The following KSR2 variants were observed in gnomAD, a reference collection of about 807,000 sequenced individuals.
KSR2 encodes the protein kinase suppressor of ras 2.
Under a neutral mutation model 107.8 loss-of-function variants are expected in KSR2, and 25 were observed. The ratio of observed to expected loss-of-function variants is 0.23; its 90% CI spans 0.17 to 0.32. KSR2 has a LOEUF of 0.32. Among genes scored for constraint, KSR2 ranks in the 10% least tolerant of loss-of-function variants. KSR2 has a pLI of 1.00. For synonymous variants in KSR2, 480 were observed against 507.0 expected, an observed-to-expected ratio of 0.95 and a Z score of 0.71; for missense variants, 887 against 1,268.9, an observed-to-expected ratio of 0.70 and a Z score of 4.57.
intron 4 of KSR2, among the ~76,000 whole-genome samples, chr12:117,724,323 A>G (rs1300707610): frequency 6.6e-6 from 1 of 151,972 alleles, no homozygotes; most frequent in Non-Finnish European, 1.5e-5. Context: ...AAAAAAAAAA[A>G]AAAAAAAGAA....
intron 4 of KSR2, among the ~76,000 whole-genome samples, chr12:117,723,804 C>T (rs1887304456): frequency 6.6e-6 from 1 of 151,972 alleles, no homozygotes; most frequent in African/African-American, 2.4e-5. Flanking sequence ...TTCATAATAT[C>T]ATTTTTTAAA....
At chr12:117,672,942 T>C (rs1455235602) in intron 4 of KSR2, among the ~76,000 whole-genome samples, 1 of 152,234 alleles carries the variant, frequency 6.6e-6, no homozygotes, top group Non-Finnish European at 1.5e-5. Flanking sequence ...TCCAACAAAC[T>C]TTCAATCCAC....
At chr12:117,862,062 C>CT (rs34794818) in intron 1 of KSR2, among the ~76,000 whole-genome samples, 23,915 of 139,798 alleles carry the variant, frequency 0.17, 2,404 homozygotes, top group African/African-American at 0.29. Flanking sequence ...ATATTATCAT[C>CT]TTTTTTTTTT....
At chr12:117,557,104 G>T (rs143521093) in intron 8 of KSR2, among the ~76,000 whole-genome samples, 1 of 152,154 alleles carries the variant, frequency 6.6e-6, no homozygotes, top group African/African-American at 2.4e-5. Context: ...GGCAGAGGTT[G>T]CAGTGAGCTG....
chr12:117,637,479 G>T (rs1883149770), intron 5 of KSR2, among the ~76,000 whole-genome samples: 1 of 152,138 alleles, frequency 6.6e-6, no homozygotes, highest in African/African-American at 2.4e-5. Flanking sequence ...TTGAGAAACT[G>T]ATCACATCCA....
chr12:117,469,554 G>T, intron 19 of KSR2, 108 bp downstream of exon 19: 1 of 1,330,866 alleles, frequency 7.5e-7, no homozygotes, highest in Non-Finnish European at 1.0e-6. Flanking sequence ...TGGGCACATG[G>T]ATAGGAGCTT....
chr12:117,597,942 G>C (rs1437435643), intron 5 of KSR2, among the ~76,000 whole-genome samples: 1 of 152,202 alleles, frequency 6.6e-6, no homozygotes, highest in Non-Finnish European at 1.5e-5. Flanking sequence ...GAAAACCGCA[G>C]ATCAGAGAAG....
intron 14 of KSR2, among the ~76,000 whole-genome samples, chr12:117,505,254 T>G (rs1014671607): frequency 6.6e-6 from 1 of 152,168 alleles, no homozygotes; most frequent in Non-Finnish European, 1.5e-5. Context: ...CTCACCAACG[T>G]GGAAGCTATC....
intron 3 of KSR2, among the ~76,000 whole-genome samples, chr12:117,847,165 C>T (rs1892735431): frequency 6.6e-6 from 1 of 152,218 alleles, no homozygotes; most frequent in African/African-American, 2.4e-5. Context: ...CCGGGAGGAG[C>T]AGCTCTTCCT....
intron 1 of KSR2, among the ~76,000 whole-genome samples, chr12:117,905,288 C>T (rs113146678): frequency 9.5e-4 from 145 of 152,304 alleles, no homozygotes; most frequent in African/African-American, 3.5e-3. Flanking sequence ...CAAGCTAACA[C>T]GGACCTACTA....
rs139122616 is a variant in KSR2, at chr12:117,666,675, G to A, written c.1171+799C>T. 2.6e-3 allele frequency among the ~76,000 whole-genome samples: 392 copies of A among 152,274 alleles called. 1 individual carries two copies. The highest frequency in any genetic ancestry group is 4.2e-3 in the Admixed American group (64 of 15,306). ...TCATTTCTCAGAGCAGCAACACAACGTGCACAGCCTGTGGCTGAATTAAGG... is the reference window on the plus strand; with the variant it reads ...TCATTTCTCAGAGCAGCAACACAACATGCACAGCCTGTGGCTGAATTAAGG... On this transcript the variant is annotated intron_variant, in intron 5 of 19. Transcript: ENST00000339824.
chr12:117,670,217 G>A (rs146999425), intron 4 of KSR2, among the ~76,000 whole-genome samples: 202 of 152,272 alleles, frequency 1.3e-3, no homozygotes, highest in Non-Finnish European at 2.5e-3. Context: ...TTATCAAACA[G>A]GAGGCTTCAT....
At position 117,600,341 on chromosome 12, in the gene KSR2, G is replaced by A. The variant is rs1271298089; in HGVS notation, c.1172-17982C>T. ...GTCAGTGGGGAAAGGAAGAGGTGTC[G>A]AATCCAGGCCTGATGGATGGGTGCA... On this transcript the variant is annotated intron_variant, in intron 5 of 19. Transcript: ENST00000339824. Among the ~76,000 whole-genome samples the A allele has an allele frequency of 3.3e-5, 5 of 152,298 alleles. No individual in the cohort carries two copies. The East Asian group carries it at 5.8e-4, about 18-fold the overall frequency.
chr12:117,525,948 C>G (rs1230008040), intron 13 of KSR2, among the ~76,000 whole-genome samples: 2 of 152,170 alleles, frequency 1.3e-5, no homozygotes, highest in Non-Finnish European at 2.9e-5. Context: ...CTCTGTATGA[C>G]CTTGAGCCAG....
intron 4 of KSR2, among the ~76,000 whole-genome samples, chr12:117,676,827 T>G (rs1275335535): frequency 6.6e-6 from 1 of 152,120 alleles, no homozygotes; most frequent in Non-Finnish European, 1.5e-5. Flanking sequence ...GGCCCATGTC[T>G]GCAAAAAAAG....
chr12:117,794,434 TCACACCAACATGCACA>T (rs1233595587), intron 3 of KSR2, among the ~76,000 whole-genome samples: 3,820 of 28,480 alleles, frequency 0.13, 1,120 homozygotes, highest in East Asian at 0.37. Context: ...ACATGCACAC[TCACACCAACATGCACA>T]CACACCAACA....
At chr12:117,852,056 T>C (rs1401433632) in intron 3 of KSR2, among the ~76,000 whole-genome samples, 1 of 151,810 alleles carries the variant, frequency 6.6e-6, no homozygotes, top group Non-Finnish European at 1.5e-5. Context: ...TGCATGTATG[T>C]GTACCTATGT....
At chr12:117,677,821 G>A (rs963213917) in intron 4 of KSR2, among the ~76,000 whole-genome samples, 6 of 152,152 alleles carry the variant, frequency 3.9e-5, no homozygotes, top group Admixed American at 1.3e-4. Flanking sequence ...AATGTCTGAC[G>A]CACAGTGTGT....
chr12:117,751,052 C>G (rs565130243), intron 4 of KSR2, among the ~76,000 whole-genome samples: 1 of 152,184 alleles, frequency 6.6e-6, no homozygotes, highest in Non-Finnish European at 1.5e-5. Context: ...ATAATCCTCA[C>G]ATGTCGTGGG....
Sources: gnomAD v4.1 joint callset for allele counts (sites outside exome capture counted in the v4.1 genomes callset) on GRCh38, gnomAD v4.1.1 for gene constraint, MANE v1.5 for transcripts, NCBI Gene and HGNC (gene_info 2026-07-23, HGNC 2026-07-21) for gene names.